Variants in CAMTA1 observed in about 807,000 individuals in gnomAD.
CAMTA1 encodes the protein calmodulin binding transcription activator 1.
In CAMTA1, 27 loss-of-function variants were observed where a neutral mutation model predicts 170.9. The observed-to-expected ratio is 0.16, with a 90% CI of 0.12 to 0.22. The LOEUF is 0.22. Among genes scored for constraint, CAMTA1 ranks in the 10% least tolerant of loss-of-function variants. The pLI, the probability that CAMTA1 is intolerant of heterozygous loss-of-function variation, is 1.00. For synonymous variants in CAMTA1, 833 were observed against 891.5 expected (o/e 0.93, Z 1.17); for missense variants, 1,619 against 2,217.2 (o/e 0.73, Z 5.42).
Position 7,147,769 on chromosome 1 carries a change from GCACA to G in CAMTA1, c.302+56405_302+56408del, listed in dbSNP as rs1246040444. Among the ~76,000 whole-genome samples, 3 of 131,266 alleles carry G rather than the reference GCACA, an allele frequency of 2.3e-5. No individual in the cohort carries two copies. The East Asian group carries it at 7.3e-4, about 32-fold the overall frequency. 86.1% of individuals were successfully genotyped at this position (131,266 alleles called of 152,430 possible). Reference sequence around the variant, plus strand: ...GCACACACACAAACTCATATACCATGCACACACACAAACTCAAACATATACCATG... The same window carrying G: ...GCACACACACAAACTCATATACCATGCACACAAACTCAAACATATACCATG... On this transcript the variant is annotated intron_variant, in intron 4 of 22. Coordinates refer to ENST00000303635, the MANE Select transcript of CAMTA1 (RefSeq NM_015215.4).
rs1173554927 is a variant in CAMTA1 at position 7,711,338 on chromosome 1, G to GAATTCTAA, written c.2915-21103_2915-21102insAAATTCTA. ...GTTGGGAGTTGGGATTTCAACATAG[G>GAATTCTAA]AATTCTAGGAAGACATAACATTCAG... On this transcript the variant is annotated intron_variant, in intron 11 of 22. Coordinates refer to ENST00000303635, the MANE Select transcript of CAMTA1 (RefSeq NM_015215.4). 2.6e-5 allele frequency among the ~76,000 whole-genome samples: 4 copies of GAATTCTAA among 152,216 alleles called. No individual in the cohort carries two copies. The East Asian group carries it at 7.7e-4, about 29-fold the overall frequency.
intron 5 of CAMTA1, among the ~76,000 whole-genome samples, chr1:7,401,419 C>T (rs2089896974): frequency 6.6e-6 from 1 of 152,146 alleles, no homozygotes. Context: ...GTCTTGAAAT[C>T]ACGTAGAATG....
Position 6,893,775 on chromosome 1 carries a change from C to T in CAMTA1, c.234+68565C>T, listed in dbSNP as rs751754111. Among the ~76,000 whole-genome samples, 36 of 152,188 alleles carry T rather than the reference C, an allele frequency of 2.4e-4. 1 individual carries two copies. Among genetic ancestry groups the T allele is most frequent in the African/African-American group, 2.4e-4 (10 of 41,500 alleles). On this transcript the variant is annotated intron_variant, in intron 3 of 22. Coordinates refer to ENST00000303635, the MANE Select transcript of CAMTA1 (RefSeq NM_015215.4). ...GTTCTGTATTCCGTTTGTCAGGCTG[C>T]GAGGGAAGGGGGTTTGTGCTAATTT...
At chr1:7,622,892 T>G (rs1386451140) in intron 6 of CAMTA1, among the ~76,000 whole-genome samples, 29 of 152,220 alleles carry the variant, frequency 1.9e-4, no homozygotes, top group Admixed American at 1.9e-3. Flanking sequence ...CCTCTGTGCT[T>G]TCTTGTTTCA....
At chr1:7,421,367 T>C (rs1397880910) in intron 5 of CAMTA1, among the ~76,000 whole-genome samples, 1 of 152,182 alleles carries the variant, frequency 6.6e-6, no homozygotes, top group Non-Finnish European at 1.5e-5. Flanking sequence ...TTGGCCGGGA[T>C]GGTCTTGAAC....
intron 3 of CAMTA1, among the ~76,000 whole-genome samples, chr1:7,086,961 A>G (rs1640825633): frequency 6.6e-6 from 1 of 152,094 alleles, no homozygotes; most frequent in Non-Finnish European, 1.5e-5. Context: ...TTCAAGCCAG[A>G]CTTGTGTTTG....
chr1:7,423,541 C>T (rs890251092), intron 5 of CAMTA1, among the ~76,000 whole-genome samples: 10 of 151,838 alleles, frequency 6.6e-5, no homozygotes, highest in East Asian at 1.9e-4. Flanking sequence ...AGCCTCCCCC[C>T]GCCGGGTGTC....
chr1:7,103,926 A>G (rs979692952), intron 4 of CAMTA1, among the ~76,000 whole-genome samples: 2 of 150,378 alleles, frequency 1.3e-5, no homozygotes, highest in African/African-American at 2.4e-5. Flanking sequence ...ACACATACAC[A>G]CAACTACACA....
intron 3 of CAMTA1, among the ~76,000 whole-genome samples, chr1:6,867,394 A>G (rs1464418591): frequency 1.3e-5 from 2 of 152,112 alleles, no homozygotes; most frequent in African/African-American, 4.8e-5. Flanking sequence ...TGTAATATTT[A>G]TAGAAAGTTT....
At chr1:7,181,027 A>G (rs924494204) in intron 4 of CAMTA1, among the ~76,000 whole-genome samples, 3 of 152,220 alleles carry the variant, frequency 2.0e-5, no homozygotes, top group Non-Finnish European at 4.4e-5. Flanking sequence ...AAACTAACCA[A>G]TACCGCAATA....
intron 3 of CAMTA1, among the ~76,000 whole-genome samples, chr1:6,912,399 T>C (rs774390461): frequency 3.3e-5 from 5 of 152,218 alleles, no homozygotes; most frequent in Admixed American, 6.5e-5. Context: ...TGTGTTGTCT[T>C]GCTAATGGGA....
chr1:6,858,082 G>A (rs1663116478), intron 3 of CAMTA1, among the ~76,000 whole-genome samples: 1 of 152,232 alleles, frequency 6.6e-6, no homozygotes, highest in Admixed American at 6.5e-5. Context: ...GGGAAGGAAT[G>A]AGGAGTGGGA....
intron 5 of CAMTA1, among the ~76,000 whole-genome samples, chr1:7,345,587 A>G (rs2084164958): frequency 6.6e-6 from 1 of 152,156 alleles, no homozygotes; most frequent in African/African-American, 2.4e-5. Context: ...CCCGGGGCTC[A>G]CTTTCCACTT....
chr1:7,697,429 G>T (rs548193313), intron 11 of CAMTA1, among the ~76,000 whole-genome samples: 2 of 152,334 alleles, frequency 1.3e-5, no homozygotes, highest in South Asian at 4.1e-4. Context: ...AGGGCCATCT[G>T]ACATTGCAGC....
In CAMTA1 at chr1:7,641,542, T is replaced by C. The variant is rs573470953; in HGVS notation, c.664+989T>C. On this transcript the variant is annotated intron_variant, in intron 7 of 22. Transcript: ENST00000303635. This position sits in a 1 kb window ranked among gnomAD's most constrained non-coding sequence, Gnocchi z 4.5. ...GGCCCAGGCTGAGGCTACGGGCACC[T>C]GCGGTGATGCTAATCCTGAGAGTCC... is the stretch of plus-strand genomic sequence containing the variant. Among the ~76,000 whole-genome samples, 1 of 152,310 alleles carries C rather than the reference T, an allele frequency of 6.6e-6. No individual in the cohort carries two copies. Among genetic ancestry groups the C allele is most frequent in the African/African-American group, 2.4e-5 (1 of 41,580 alleles).
intron 9 of CAMTA1, 103 bp from the exon 10 acceptor site, chr1:7,670,808 G>A: frequency 7.3e-7 from 1 of 1,364,954 alleles, no homozygotes; most frequent in Non-Finnish European, 1.0e-6. Context: ...GGGGCGAGGG[G>A]TACAGACCCC....
At chr1:7,433,034 T>C (rs941447046) in intron 5 of CAMTA1, among the ~76,000 whole-genome samples, 2 of 152,120 alleles carry the variant, frequency 1.3e-5, no homozygotes, top group Non-Finnish European at 2.9e-5. Context: ...GCAGGCAGCC[T>C]CCCTCTGACC....
chr1:7,420,987 C>T (rs2091523471), intron 5 of CAMTA1, among the ~76,000 whole-genome samples: 1 of 152,168 alleles, frequency 6.6e-6, no homozygotes, highest in Non-Finnish European at 1.5e-5. Flanking sequence ...GGGGAGGCCT[C>T]CCTGGGATGA....
intron 4 of CAMTA1, among the ~76,000 whole-genome samples, chr1:7,137,368 A>T (rs183529840): frequency 2.0e-5 from 3 of 152,056 alleles, no homozygotes; most frequent in African/African-American, 4.8e-5. Flanking sequence ...CTCCTGTTCT[A>T]CTCAAAGTCT....
Sources: gnomAD v4.1 joint callset for allele counts (sites outside exome capture counted in the v4.1 genomes callset) on GRCh38, gnomAD v4.1.1 for gene constraint, Gnocchi (gnomAD v3.1) non-coding constraint, MANE v1.5 for transcripts, NCBI Gene and HGNC (gene_info 2026-07-23, HGNC 2026-07-21) for gene names.